The following SLC28A1 variants were observed in gnomAD, a reference collection of about 807,000 sequenced individuals.
SLC28A1 encodes sodium/nucleoside cotransporter 1.
Under a neutral mutation model 74.8 loss-of-function variants are expected in SLC28A1, and 64 were observed. The ratio of observed to expected loss-of-function variants is 0.86; its 90% confidence interval spans 0.70 to 1.05. The LOEUF is 1.05. Ranked by LOEUF, SLC28A1 falls within the 50% of genes least tolerant of loss-of-function variation. The pLI, the probability that SLC28A1 is intolerant of heterozygous loss-of-function variation, is 0.00. For synonymous variants in SLC28A1, 359 were observed against 335.0 expected (o/e 1.07, Z -0.78); for missense variants, 828 against 822.8 (o/e 1.01, Z -0.08).
chr15:84,920,703 G>GTGTGTGTGTGTGTGT lies in SLC28A1; in HGVS notation c.877-286_877-285insTGTGTGTGTGTGTGT, dbSNP rs113735505. Among the ~76,000 whole-genome samples, 445 of 137,394 alleles carry GTGTGTGTGTGTGTGT rather than the reference G, an allele frequency of 3.2e-3. 6 individuals are homozygous for GTGTGTGTGTGTGTGT. Among genetic ancestry groups the GTGTGTGTGTGTGTGT allele is most frequent in the East Asian group, 0.029 (146 of 5,060 alleles). The allele number at this position is 137,394 out of a possible 152,430, so 90.1% of individuals were successfully genotyped here. A position where few individuals can be genotyped will look rare whatever the true frequency, so the allele number is the denominator to read the frequency against. ...TAATGTGTATTGGTAATCTCCAAGGGGTGTGTGTGTGTGTGTGTGTGCATT... is the reference window on the plus strand; with the variant it reads ...TAATGTGTATTGGTAATCTCCAAGGGTGTGTGTGTGTGTGTGTGTGTGTGTGTGTGTGTGTGCATT... On this transcript the variant is annotated intron_variant, in intron 10 of 18. Coordinates refer to ENST00000394573, the MANE Select transcript of SLC28A1 (RefSeq NM_004213.5).
At chr15:84,902,410 G>A (rs113039252) in intron 6 of SLC28A1, among the ~76,000 whole-genome samples, 141 of 152,076 alleles carry the variant, frequency 9.3e-4, no homozygotes, top group African/African-American at 3.2e-3. Flanking sequence ...AACCCCGGAG[G>A]TGGAGGTTGC....
chr15:84,890,607 C>A, intron 5 of SLC28A1, 73 bp downstream of exon 5: 2 of 1,180,786 alleles, frequency 1.7e-6, no homozygotes, highest in Non-Finnish European at 1.2e-6. Flanking sequence ...AGGGCAGGGT[C>A]ATTCACTCAC....
intron 9 of SLC28A1, among the ~76,000 whole-genome samples, chr15:84,915,318 G>C (rs1420251057): frequency 6.6e-6 from 1 of 152,174 alleles, no homozygotes; most frequent in Non-Finnish European, 1.5e-5. Flanking sequence ...ACAGGAGAAA[G>C]AAAAGGCCTC....
intron 11 of SLC28A1, 115 bp from the exon 12 acceptor site, chr15:84,923,870 C>T (rs1970161592): frequency 5.1e-6 from 7 of 1,385,912 alleles, no homozygotes; most frequent in Non-Finnish European, 7.1e-6. Flanking sequence ...CTGGTCCTTA[C>T]CCCATCCTGC....
chr15:84,936,367 C>T (rs999161086), intron 15 of SLC28A1, among the ~76,000 whole-genome samples: 5 of 152,114 alleles, frequency 3.3e-5, no homozygotes, highest in Admixed American at 3.3e-4. Flanking sequence ...GAGTGATTCT[C>T]GTGTCTCAGC....
intron 15 of SLC28A1, among the ~76,000 whole-genome samples, chr15:84,936,666 T>A (rs1242452843): frequency 6.6e-6 from 1 of 152,228 alleles, no homozygotes; most frequent in Non-Finnish European, 1.5e-5. Context: ...TCTAAAAGAA[T>A]AGTAACATTA....
intron 1 of SLC28A1, among the ~76,000 whole-genome samples, chr15:84,885,747 A>G (rs1964526385): frequency 6.6e-6 from 1 of 151,660 alleles, no homozygotes. Context: ...AAAAAAAAAA[A>G]AGGAGGAAAA....
chr15:84,933,322 G>A (rs199683588), intron 13 of SLC28A1, 47 bp downstream of exon 13: 3 of 1,602,134 alleles, frequency 1.9e-6, no homozygotes, highest in Non-Finnish European at 2.6e-6. Context: ...GTACAAGGTG[G>A]GGGGAGCAAA....
intron 11 of SLC28A1, among the ~76,000 whole-genome samples, chr15:84,922,837 G>T (rs2141927115): frequency 6.6e-6 from 1 of 152,356 alleles, no homozygotes; most frequent in South Asian, 2.1e-4. Context: ...CGCTTGCCTG[G>T]AATGCTATGC....
At chr15:84,897,923 T>G (rs1029060833) in intron 6 of SLC28A1, among the ~76,000 whole-genome samples, 1 of 152,214 alleles carries the variant, frequency 6.6e-6, no homozygotes, top group South Asian at 2.1e-4. Flanking sequence ...CTTAACATAA[T>G]GACCTCCAAT....
At chr15:84,952,366 C>T in the SLC28A1 span, among the ~76,000 whole-genome samples, 14 of 152,154 alleles carry the variant, frequency 9.2e-5, no homozygotes, top group Non-Finnish European at 1.6e-4. Context: ...CAGTAACCCA[C>T]AGATCAAGAC....
chr15:84,917,845 C>T (rs932595714), intron 9 of SLC28A1, among the ~76,000 whole-genome samples: 1 of 152,062 alleles, frequency 6.6e-6, no homozygotes, highest in Non-Finnish European at 1.5e-5. Context: ...TGCAGAAAAG[C>T]AACCTCCTTT....
At chr15:84,934,979 G>A in intron 13 of SLC28A1, 47 bp from the exon 14 acceptor site, 1 of 1,549,198 alleles carries the variant, frequency 6.5e-7, no homozygotes, top group South Asian at 1.1e-5. Flanking sequence ...GACCCTTGCT[G>A]GTTGTGGAGA....
intron 12 of SLC28A1, among the ~76,000 whole-genome samples, chr15:84,928,728 A>G (rs551792030): frequency 7.3e-5 from 11 of 150,850 alleles, no homozygotes; most frequent in African/African-American, 2.4e-4. Flanking sequence ...GGTTCAAGCA[A>G]TTCTCCTGCC....
the SLC28A1 span, among the ~76,000 whole-genome samples, chr15:84,954,334 T>C: frequency 6.6e-6 from 1 of 152,156 alleles, no homozygotes; most frequent in Non-Finnish European, 1.5e-5. Flanking sequence ...GGGGGTGTTG[T>C]TTCCTGATGA....
At chr15:84,937,566 A>G (rs1404864758) in intron 15 of SLC28A1, among the ~76,000 whole-genome samples, 3 of 152,096 alleles carry the variant, frequency 2.0e-5, no homozygotes, top group African/African-American at 7.2e-5. Context: ...CTTTTTAATT[A>G]TGTTTTAAAT....
chr15:84,947,997 GA>G (rs63673861), downstream of SLC28A1, among the ~76,000 whole-genome samples: 25,032 of 151,198 alleles, frequency 0.17, 2,453 homozygotes, highest in South Asian at 0.44. Flanking sequence ...ATGGCATGGG[GA>G]AAAAAAAACT....
chr15:84,914,432 A>G (rs983031542), intron 9 of SLC28A1, among the ~76,000 whole-genome samples: 20 of 152,194 alleles, frequency 1.3e-4, no homozygotes, highest in African/African-American at 4.6e-4. Flanking sequence ...ACAAGCCTCC[A>G]GGACTGTTCC....
At chr15:84,948,991 A>G (rs1036592816), downstream of SLC28A1, among the ~76,000 whole-genome samples, 1 of 152,146 alleles carries the variant, frequency 6.6e-6, no homozygotes, top group Non-Finnish European at 1.5e-5. Flanking sequence ...TTTCCTACTT[A>G]CCAAAGTAAT....
Sources: allele counts gnomAD v4.1 joint callset (sites outside exome capture counted in the v4.1 genomes callset), GRCh38; gene constraint gnomAD v4.1.1; transcripts MANE v1.5; gene names NCBI Gene and HGNC (gene_info 2026-07-23, HGNC 2026-07-21).